The following C1orf50 variants were observed in gnomAD, a reference collection of about 807,000 sequenced individuals.
C1orf50 encodes uncharacterized protein C1orf50.
Under a neutral mutation model 23.3 loss-of-function variants are expected in C1orf50, and 22 were observed. That is an observed-to-expected ratio of 0.94 (90% CI 0.67 to 1.35). The LOEUF (loss-of-function observed/expected upper bound fraction) is 1.35. C1orf50 is among the 40% of genes most tolerant of loss of function. The pLI, the probability that C1orf50 is intolerant of heterozygous loss-of-function variation, is 0.00. For missense variants in C1orf50, 271 were observed against 249.4 expected (o/e 1.09, Z -0.58); for synonymous variants, 96 against 102.4 (o/e 0.94, Z 0.38).
intron 3 of C1orf50, among the ~76,000 whole-genome samples, chr1:42,773,926 G>A (rs930989141): frequency 4.6e-5 from 7 of 152,084 alleles, no homozygotes; most frequent in Admixed American, 2.0e-4. Flanking sequence ...GGGTTCAAGC[G>A]ATTCTCCTGT....
In C1orf50 at chr1:42,778,625, G is replaced by T. The variant is rs1270328226; in HGVS notation, c.*3231G>T. On this transcript the variant is annotated 3_prime_UTR_variant, in exon 5 of 5. Transcript: ENST00000372525. ...AAAGCAGTCCTGGCAATGAGGAGGG[G>T]TGGAGTGAGATATGTCCTGGCTAGA... is the stretch of plus-strand genomic sequence containing the variant. 1.3e-5 allele frequency: 2 copies of T among 152,212 alleles called. No individual in the cohort carries two copies. The highest frequency in any genetic ancestry group is 2.9e-5 in the Non-Finnish European group (2 of 68,050). The allele number at this position is 152,212 out of a possible 1,614,324, so 9.4% of individuals were successfully genotyped here. A position where few individuals can be genotyped will look rare whatever the true frequency, so the allele number is the denominator to read the frequency against.
chr1:42,769,339 A>G (rs1653166177), intron 2 of C1orf50, among the ~76,000 whole-genome samples: 1 of 149,890 alleles, frequency 6.7e-6, no homozygotes, highest in African/African-American at 2.5e-5. Context: ...TGAGCTCAGG[A>G]GTTGGAGACC....
In C1orf50 at chr1:42,777,382, T is replaced by G. The variant is rs1003698096; in HGVS notation, c.*1988T>G. 6.6e-6 allele frequency: 1 copy of G among 152,286 alleles called. No homozygotes were observed. The highest frequency in any genetic ancestry group is 1.5e-5 in the Non-Finnish European group (1 of 68,102). The allele number at this position is 152,286 out of a possible 1,614,324, so 9.4% of individuals were successfully genotyped here. On this transcript the variant is annotated 3_prime_UTR_variant, in exon 5 of 5. Coordinates refer to ENST00000372525, the MANE Select transcript of C1orf50 (RefSeq NM_024097.4). ...GTGCTGGCGTTTGAGCCACCATACC[T>G]GGCCTGTTGGCAGAATTTCAATTCC...
At position 42,776,933 on chromosome 1, in the gene C1orf50, GT is replaced by G. The variant is rs2124196011; in HGVS notation, c.*1541del. ...CACCTATTTATTTCAGAGCTTACAG[GT>G]TAGGAGTTCAGGCACCATTTCATTG... On this transcript the variant is annotated 3_prime_UTR_variant, in exon 5 of 5. Transcript: ENST00000372525. The G allele has an allele frequency of 1.3e-5, 2 of 152,310 alleles. No homozygotes were observed. Among genetic ancestry groups the G allele is most frequent in the South Asian group, 4.1e-4 (2 of 4,820 alleles). 9.4% of individuals were successfully genotyped at this position (152,310 alleles called of 1,614,324 possible).
At chr1:42,769,918 TA>T (rs1450955612) in intron 2 of C1orf50, 1 of 152,246 alleles carries the variant, frequency 6.6e-6, no homozygotes, top group Non-Finnish European at 1.5e-5. Flanking sequence ...GGCCTGGTAT[TA>T]AGGCATGAAT....
rs918883787 is a variant in C1orf50, at chr1:42,770,439, T to C, written c.195+2815T>C. On this transcript the variant is annotated intron_variant, in intron 2 of 4. Coordinates refer to ENST00000372525, the MANE Select transcript of C1orf50 (RefSeq NM_024097.4). Reference sequence around the variant, plus strand: ...TGGCTCCTCCTTTCTTTCTTTCTTTTTTTTTTTTTTGAGATGGAGTTTCGC... The same window carrying C: ...TGGCTCCTCCTTTCTTTCTTTCTTTCTTTTTTTTTTGAGATGGAGTTTCGC... Among the ~76,000 whole-genome samples, 12 of 151,522 alleles carry C rather than the reference T, an allele frequency of 7.9e-5. No individual in the cohort carries two copies. In the East Asian group the frequency reaches 1.4e-3, roughly 17 times the overall value.
At chr1:42,769,520 T>G (rs1297912913) in intron 2 of C1orf50, among the ~76,000 whole-genome samples, 1 of 150,212 alleles carries the variant, frequency 6.7e-6, no homozygotes, top group Non-Finnish European at 1.5e-5. Context: ...CACTCCAGCC[T>G]GGGTGACAGA....
Position 42,774,800 on chromosome 1 carries a change from C to G in C1orf50, c.346C>G (p.Pro116Ala), listed in dbSNP as rs760327477. The G allele has an allele frequency of 1.2e-5, 20 of 1,613,756 alleles. No homozygotes were observed. The highest frequency in any genetic ancestry group is 1.6e-5 in the Non-Finnish European group (19 of 1,179,842). ...HHVACNIVKK[P>A]GNIYYLYKRE... ...TGTAGCTTGTAATATAGTGAAAAAA[C>G]CTGGCAACATTTACTATCTCTATAA... Residue 116 changes from proline to alanine, a missense_variant, in exon 4 of 5, where the codon CCT becomes GCT. Physicochemically the swap from Pro to Ala is conservative, Grantham distance 27. Coordinates refer to ENST00000372525, the MANE Select transcript of C1orf50 (RefSeq NM_024097.4).
At position 42,775,558 on chromosome 1, in the gene C1orf50, G is replaced by A; in HGVS notation, c.*164G>A. On this transcript the variant is annotated 3_prime_UTR_variant, in exon 5 of 5. Transcript: ENST00000372525. ...TCATTATGACTTTTAATTGGGATGG[G>A]AATAATCATTGAGACAGAGTCACTG... 1.7e-6 allele frequency: 1 copy of A among 572,414 alleles called. No homozygotes were observed. The highest frequency in any genetic ancestry group is 3.0e-6 in the Non-Finnish European group (1 of 337,586). 35.5% of individuals were successfully genotyped at this position (572,414 alleles called of 1,614,324 possible). A position where few individuals can be genotyped will look rare whatever the true frequency, so the allele number is the denominator to read the frequency against.
At position 42,775,249 on chromosome 1, in the gene C1orf50, A is replaced by G. The variant is rs1801587; in HGVS notation, c.455A>G (p.Tyr152Cys). The G allele has an allele frequency of 6.2e-7, 1 of 1,606,102 alleles. No individual in the cohort carries two copies. Among genetic ancestry groups the G allele is most frequent in the Non-Finnish European group, 8.5e-7 (1 of 1,173,252 alleles). Residue 152 changes from tyrosine to cysteine, a missense_variant, in exon 5 of 5, where the codon TAC (tyrosine) becomes TGC (cysteine). Tyr to Cys is a radical substitution (Grantham distance 194). Transcript: ENST00000372525. The part of the protein sequence containing the change: ...TSCPHDFLGA[Y>C]KLQHDLSWTP... ...TGTCCACATGACTTCCTTGGTGCCT[A>G]CAAACTACAGCATGACTTGTCCTGG...
Position 42,767,291 on chromosome 1 carries a change from T to TG in C1orf50, c.-17dup. On this transcript the variant is annotated 5_prime_UTR_variant, in exon 1 of 5. An upstream open reading frame in the 5' UTR loses its in-frame stop. Coordinates refer to ENST00000372525, the MANE Select transcript of C1orf50 (RefSeq NM_024097.4). ...CTTCCTACTCGCACAGCCCAGGGAG[T>TG]GGGGAGGATAAGGCGCTGTCATGGA... The TG allele has an allele frequency of 6.7e-7, 1 of 1,485,818 alleles. No individual in the cohort carries two copies. Among genetic ancestry groups the TG allele is most frequent in the Non-Finnish European group, 8.9e-7 (1 of 1,122,682 alleles). 92.0% of individuals were successfully genotyped at this position (1,485,818 alleles called of 1,614,324 possible). A position where few individuals can be genotyped will look rare whatever the true frequency, so the allele number is the denominator to read the frequency against.
chr1:42,772,923 A>G lies in C1orf50; in HGVS notation c.196-640A>G, dbSNP rs185399488. Among the ~76,000 whole-genome samples, 441 of 152,370 alleles carry G rather than the reference A, an allele frequency of 2.9e-3. 1 individual carries two copies. The highest frequency in any genetic ancestry group is 5.5e-3 in the Admixed American group (84 of 15,306). On this transcript the variant is annotated intron_variant, in intron 2 of 4. Transcript: ENST00000372525. The stretch of plus-strand genomic sequence containing the variant: ...TTTTAAGTAATAATTAGAAATGCAC[A>G]TATAAGTTAACATTTAAGTAGTTGT...
chr1:42,767,972 A>C (rs1653121103), intron 2 of C1orf50, among the ~76,000 whole-genome samples: 1 of 152,208 alleles, frequency 6.6e-6, no homozygotes, highest in Admixed American at 6.5e-5. Context: ...GTTCTTCGGG[A>C]AGTTTCAAGG....
rs777769870 is a variant in C1orf50, at chr1:42,767,302, A to G, written c.-10A>G. Reference sequence around the variant, plus strand: ...CACAGCCCAGGGAGTGGGGAGGATAAGGCGCTGTCATGGAGGACGCCGCCG... The same window carrying G: ...CACAGCCCAGGGAGTGGGGAGGATAGGGCGCTGTCATGGAGGACGCCGCCG... On this transcript the variant is annotated 5_prime_UTR_variant, in exon 1 of 5. It removes the in-frame stop codon of an upstream open reading frame in the 5' UTR. Transcript: ENST00000372525. 8 of 1,499,218 alleles carry G rather than the reference A, an allele frequency of 5.3e-6. No individual in the cohort carries two copies. The highest frequency in any genetic ancestry group is 1.4e-5 in the African/African-American group (1 of 70,964). The allele number at this position is 1,499,218 out of a possible 1,614,324, so 92.9% of individuals were successfully genotyped here.
Position 42,778,100 on chromosome 1 carries a change from C to A in C1orf50, c.*2706C>A, listed in dbSNP as rs749165344. ...AGCCAGTTACCACACTTGGGAAGGGCTAGTGGCAATGTGAGGTGATTTGGG... is the reference window on the plus strand; with the variant it reads ...AGCCAGTTACCACACTTGGGAAGGGATAGTGGCAATGTGAGGTGATTTGGG... On this transcript the variant is annotated 3_prime_UTR_variant, in exon 5 of 5. Coordinates refer to ENST00000372525, the MANE Select transcript of C1orf50 (RefSeq NM_024097.4). 4 of 151,998 alleles carry A rather than the reference C, an allele frequency of 2.6e-5. No individual in the cohort carries two copies. Among genetic ancestry groups the A allele is most frequent in the Non-Finnish European group, 5.9e-5 (4 of 67,998 alleles). 9.4% of individuals were successfully genotyped at this position (151,998 alleles called of 1,614,324 possible). A position where few individuals can be genotyped will look rare whatever the true frequency, so the allele number is the denominator to read the frequency against.
chr1:42,769,473 G>C lies in C1orf50; in HGVS notation c.195+1849G>C, dbSNP rs1391053040. Among the ~76,000 whole-genome samples the C allele has an allele frequency of 2.6e-5, 4 of 151,950 alleles. No homozygotes were observed. The East Asian group carries it at 7.7e-4, about 29-fold the overall frequency. On this transcript the variant is annotated intron_variant, in intron 2 of 4. Transcript: ENST00000372525. ...AGGCGGGAGAACTGCTTGAACCTGG[G>C]AGGCAGAGGTTGCAGTGAGCTGAGA...
intron 2 of C1orf50, among the ~76,000 whole-genome samples, chr1:42,768,227 G>A (rs1653129647): frequency 6.6e-6 from 1 of 152,176 alleles, no homozygotes; most frequent in South Asian, 2.1e-4. Flanking sequence ...GCGACTTAAG[G>A]CAGATTACTT....
At chr1:42,775,143 T>A in intron 4 of C1orf50, 66 bp from the exon 5 acceptor site, 1 of 1,431,504 alleles carries the variant, frequency 7.0e-7, no homozygotes, top group East Asian at 2.3e-5. Context: ...TGTGGCATGA[T>A]TAGGAAATGA....
At position 42,778,723 on chromosome 1, in the gene C1orf50, T is replaced by C. The variant is rs1249867662; in HGVS notation, c.*3329T>C. The C allele has an allele frequency of 1.3e-5, 2 of 152,106 alleles. No homozygotes were observed. Among genetic ancestry groups the C allele is most frequent in the Non-Finnish European group, 2.9e-5 (2 of 68,042 alleles). 9.4% of individuals were successfully genotyped at this position (152,106 alleles called of 1,614,324 possible). A position where few individuals can be genotyped will look rare whatever the true frequency, so the allele number is the denominator to read the frequency against. On this transcript the variant is annotated 3_prime_UTR_variant, in exon 5 of 5. Transcript: ENST00000372525. ...AAAACATTCCAGACAAAAAATAACATGGAAGGGACATTGACCAGAATTGAC... is the reference window on the plus strand; with the variant it reads ...AAAACATTCCAGACAAAAAATAACACGGAAGGGACATTGACCAGAATTGAC...
Sources: gnomAD v4.1 joint callset for allele counts (sites outside exome capture counted in the v4.1 genomes callset) on GRCh38, gnomAD v4.1.1 for gene constraint, MANE v1.5 for transcripts, NCBI Gene and HGNC (gene_info 2026-07-23, HGNC 2026-07-21) for gene names.